ZNF233: variants seen among roughly 807,000 people sequenced by gnomAD.
ZNF233 encodes zinc finger protein 233.
In ZNF233, 7 loss-of-function variants were observed where a neutral mutation model predicts 11.6. The ratio of observed to expected loss-of-function variants is 0.60; its 90% CI spans 0.34 to 1.13. The LOEUF (loss-of-function observed/expected upper bound fraction) is 1.13, where lower values mean the gene tolerates loss of function less well. Ranked by LOEUF, ZNF233 falls within the 50% of genes most tolerant of loss-of-function variation. The pLI is 0.03. For missense variants in ZNF233, 711 were observed against 785.5 expected (o/e 0.91, Z 1.13); for synonymous variants, 226 against 268.5 (o/e 0.84, Z 1.55).
rs1975313345 is a variant in ZNF233, at chr19:44,273,840, G to A, written c.1180G>A (p.Gly394Arg). 1 of 1,614,162 alleles carries A rather than the reference G, an allele frequency of 6.2e-7. No homozygotes were observed. The highest frequency in any genetic ancestry group is 1.3e-5 in the African/African-American group (1 of 75,030). ...DFDIHCVDSA[G>R]ERACKCDVYD... ...TGACATTCACTGTGTAGACAGTGCT[G>A]GAGAGAGAGCCTGTAAATGTGATGT... Residue 394 changes from glycine to arginine, a missense_variant, in exon 5 of 5, where the codon GGA becomes AGA. Transcript: ENST00000683810.
At chr19:44,262,980 T>C (rs1164940180) in intron 1 of ZNF233, among the ~76,000 whole-genome samples, 1 of 152,176 alleles carries the variant, frequency 6.6e-6, no homozygotes, top group East Asian at 1.9e-4. Flanking sequence ...GGCTCTGGAC[T>C]CAGCTGGATT....
chr19:44,266,308 GA>G lies in ZNF233; in HGVS notation c.128del (p.Asn43ThrfsTer12), dbSNP rs1599873938. ...AAGATGTGATGCTGGAGAACTTCAG[GA>G]ACCTGCTGTCAGTGGGTGAGCACAG... is the stretch of plus-strand genomic sequence containing the variant. Reference protein sequence around the residue: ...YQDVMLENFRNLLSVGYQPFK... With the variant: ...YQDVMLENFRXLLSVGYQPFK... On this transcript the variant is annotated frameshift_variant, in exon 3 of 5. Coordinates refer to ENST00000683810, the MANE Select transcript of ZNF233 (RefSeq NM_001207005.2). LOFTEE classifies it high-confidence loss of function. The G allele has an allele frequency of 6.2e-7, 1 of 1,606,882 alleles. No homozygotes were observed. The highest frequency in any genetic ancestry group is 2.2e-5 in the East Asian group (1 of 44,584).
At position 44,266,140 on chromosome 19, in the gene ZNF233, C is replaced by T. The variant is rs564476956; in HGVS notation, c.16-58C>T. The T allele has an allele frequency of 5.1e-5, 79 of 1,548,946 alleles. No individual in the cohort carries two copies. In the South Asian group the frequency reaches 9.0e-4, roughly 18 times the overall value. ...TGTTCTTTCTACCTGCTCAGTGCTG[C>T]CTCTCTCCCAGCAGTTATTGGCCAT... is the stretch of plus-strand genomic sequence containing the variant. On this transcript the variant is annotated intron_variant, in intron 2 of 4. Coordinates refer to ENST00000683810, the MANE Select transcript of ZNF233 (RefSeq NM_001207005.2).
chr19:44,264,631 A>C (rs535040328), intron 2 of ZNF233, among the ~76,000 whole-genome samples: 1 of 152,358 alleles, frequency 6.6e-6, no homozygotes, highest in Admixed American at 6.5e-5. Context: ...GAAAACCTCC[A>C]CATTACTACA....
At chr19:44,260,710 G>C (rs923776975) in intron 1 of ZNF233, among the ~76,000 whole-genome samples, 20 of 152,116 alleles carry the variant, frequency 1.3e-4, no homozygotes, top group African/African-American at 4.8e-4. Context: ...GGAGGGTGTT[G>C]ACCCCCTGGC....
chr19:44,273,987 CAG>C lies in ZNF233; in HGVS notation c.1332_1333del (p.Arg444SerfsTer9), dbSNP rs1447173553. 2.5e-6 allele frequency: 4 copies of C among 1,613,310 alleles called. No homozygotes were observed. The highest frequency in any genetic ancestry group is 3.3e-5 in the Admixed American group (2 of 59,978). ...ATTTAATAGGAATTCTGGTCTTCACCAGAGAGTTCACACTGGAGAGAAACCAT... is the reference window on the plus strand; with the variant it reads ...ATTTAATAGGAATTCTGGTCTTCACCAGAGTTCACACTGGAGAGAAACCAT... Reference protein sequence around the residue: ...RIFNRNSGLHQRVHTGEKPYK... With the variant: ...RIFNRNSGLHXRVHTGEKPYK... On this transcript the variant is annotated frameshift_variant, in exon 5 of 5. Transcript: ENST00000683810. LOFTEE classifies it low-confidence loss of function (END_TRUNC).
intron 2 of ZNF233, among the ~76,000 whole-genome samples, chr19:44,265,227 G>A (rs1975039959): frequency 6.6e-6 from 1 of 151,930 alleles, no homozygotes; most frequent in African/African-American, 2.4e-5. Context: ...TCCTACTTAT[G>A]AGAGAGAACA....
At chr19:44,269,097 G>T (rs1026710303) in intron 4 of ZNF233, among the ~76,000 whole-genome samples, 1 of 152,076 alleles carries the variant, frequency 6.6e-6, no homozygotes. Flanking sequence ...AATCAGGAAT[G>T]TTGGATGCTG....
chr19:44,270,346 TAAAAAAA>T (rs398034740), intron 4 of ZNF233, among the ~76,000 whole-genome samples: 4 of 72,730 alleles, frequency 5.5e-5, no homozygotes, highest in Non-Finnish European at 7.4e-5. Flanking sequence ...CCATCTATAC[TAAAAAAA>T]AAAAAAAAAA....
intron 2 of ZNF233, among the ~76,000 whole-genome samples, chr19:44,265,848 C>T (rs1284335232): frequency 6.6e-6 from 1 of 152,118 alleles, no homozygotes; most frequent in Non-Finnish European, 1.5e-5. Context: ...CTAAATTGAC[C>T]CAACATTTCT....
At chr19:44,265,015 G>C (rs777450486) in intron 2 of ZNF233, among the ~76,000 whole-genome samples, 3 of 152,092 alleles carry the variant, frequency 2.0e-5, no homozygotes, top group African/African-American at 7.2e-5. Context: ...TTCGACAGTT[G>C]TATAATTGCA....
chr19:44,266,225 G>C lies in ZNF233; in HGVS notation c.43G>C (p.Val15Leu). 1 of 1,612,090 alleles carries C rather than the reference G, an allele frequency of 6.2e-7. No individual in the cohort carries two copies. Among genetic ancestry groups the C allele is most frequent in the Non-Finnish European group, 8.5e-7 (1 of 1,178,890 alleles). ...GATGGTGACATTCAAGGATGTGGCTGTGGTCTTCACCAGGGAGGAGCTGGG... is the reference window on the plus strand; with the variant it reads ...GATGGTGACATTCAAGGATGTGGCTCTGGTCTTCACCAGGGAGGAGCTGGG... ...QEMVTFKDVA[V>L]VFTREELGLL... The change falls in exon 3 of 5, where the codon GTG becomes CTG. Residue 15 changes from valine to leucine, a missense_variant. Val to Leu is a conservative substitution (Grantham distance 32, BLOSUM62 1). Coordinates refer to ENST00000683810, the MANE Select transcript of ZNF233 (RefSeq NM_001207005.2).
chr19:44,261,653 T>TC (rs1157477502), intron 1 of ZNF233, among the ~76,000 whole-genome samples: 1 of 145,452 alleles, frequency 6.9e-6, no homozygotes, highest in Non-Finnish European at 1.5e-5. Flanking sequence ...TTTCACTTTT[T>TC]TTTTTTTTTT....
Position 44,273,548 on chromosome 19 carries a change from TTACA to T in ZNF233, c.889_892del (p.Tyr297AlafsTer12). The T allele has an allele frequency of 6.2e-7, 1 of 1,614,140 alleles. No homozygotes were observed. The highest frequency in any genetic ancestry group is 8.5e-7 in the Non-Finnish European group (1 of 1,180,032). On this transcript the variant is annotated frameshift_variant, in exon 5 of 5. Transcript: ENST00000683810. LOFTEE classifies it low-confidence loss of function (END_TRUNC). ...ATGTTGAGTACGGGAAGGGCATAGG[TTACA>T]GCTCAGGGCTTCCCAGGCATCAGTG...
intron 4 of ZNF233, 49 bp from the exon 5 acceptor site, chr19:44,272,850 A>G: frequency 7.7e-7 from 1 of 1,293,662 alleles, no homozygotes; most frequent in Non-Finnish European, 1.1e-6. Context: ...TTCTGAACAA[A>G]TGTTCAGTTG....
intron 1 of ZNF233, 58 bp downstream of exon 1, chr19:44,259,996 C>T (rs1300711640): frequency 2.3e-6 from 1 of 441,872 alleles, no homozygotes; most frequent in Admixed American, 2.4e-5. Flanking sequence ...GGGCGTTGGA[C>T]TCGCAGGTGC....
intron 1 of ZNF233, among the ~76,000 whole-genome samples, chr19:44,262,683 C>G (rs1381301017): frequency 6.6e-6 from 1 of 152,144 alleles, no homozygotes; most frequent in Admixed American, 6.6e-5. Context: ...GAGTAGCTAT[C>G]TGTATTGAAT....
At chr19:44,270,233 T>C (rs2123060174) in intron 4 of ZNF233, among the ~76,000 whole-genome samples, 1 of 151,718 alleles carries the variant, frequency 6.6e-6, no homozygotes, top group East Asian at 1.9e-4. Flanking sequence ...CCTTGGCCAG[T>C]TGTGGTGGCT....
chr19:44,269,770 A>AT (rs1427154870), intron 4 of ZNF233, among the ~76,000 whole-genome samples: 2 of 152,138 alleles, frequency 1.3e-5, no homozygotes, highest in Non-Finnish European at 2.9e-5. Context: ...GTGCAATTTG[A>AT]TGAGTTTTGA....
Sources: allele counts gnomAD v4.1 joint callset (sites outside exome capture counted in the v4.1 genomes callset), GRCh38; gene constraint gnomAD v4.1.1; transcripts MANE v1.5; gene names NCBI Gene and HGNC (gene_info 2026-07-23, HGNC 2026-07-21).